ACACA: variants seen among roughly 807,000 people sequenced by gnomAD.
The protein encoded by ACACA is acetyl-CoA carboxylase 1.
ACACA carries 103 observed loss-of-function variants against 296.1 expected under a neutral mutation model. That is an observed-to-expected ratio of 0.35 (90% confidence interval 0.30 to 0.41). The LOEUF is 0.41. Among genes scored for constraint, ACACA ranks in the 10% least tolerant of loss-of-function variants. The pLI, the probability that ACACA is intolerant of heterozygous loss-of-function variation, is 1.00. For missense variants in ACACA, 1,554 were observed against 2,989.7 expected, an observed-to-expected ratio of 0.52 and a Z score of 11.20; for synonymous variants, 953 against 1,038.6, an observed-to-expected ratio of 0.92 and a Z score of 1.58.
At chr17:37,205,930 T>C (rs888264404) in intron 32 of ACACA, 58 bp from the exon 33 acceptor site, 4 of 1,337,248 alleles carry the variant, frequency 3.0e-6, no homozygotes, top group Middle Eastern at 1.8e-4. Flanking sequence ...CAGATGCAGA[T>C]AGAAGTTATA....
intron 45 of ACACA, among the ~76,000 whole-genome samples, chr17:37,139,704 G>A (rs1018407697): frequency 1.3e-5 from 2 of 152,250 alleles, no homozygotes; most frequent in Non-Finnish European, 2.9e-5. Context: ...GGCACTGCAG[G>A]AGACCCCTAA....
intron 2 of ACACA, among the ~76,000 whole-genome samples, chr17:37,333,513 G>A (rs907049955): frequency 6.6e-6 from 1 of 152,012 alleles, no homozygotes; most frequent in Non-Finnish European, 1.5e-5. Flanking sequence ...GAAATAGAAT[G>A]GGGAACCTCA....
chr17:37,283,902 C>G (rs1221905646), intron 4 of ACACA, among the ~76,000 whole-genome samples: 1 of 152,186 alleles, frequency 6.6e-6, no homozygotes, highest in African/African-American at 2.4e-5. Flanking sequence ...GAGAATGCCT[C>G]AGAAAGAATG....
At chr17:37,351,067 G>A (rs751462286) in intron 1 of ACACA, among the ~76,000 whole-genome samples, 31 of 152,230 alleles carry the variant, frequency 2.0e-4, no homozygotes, top group Non-Finnish European at 3.2e-4. Context: ...TTGAACCTGG[G>A]AGGTGGAGAT....
chr17:37,277,439 T>G (rs117144466), intron 6 of ACACA, among the ~76,000 whole-genome samples: 6 of 152,264 alleles, frequency 3.9e-5, no homozygotes. Flanking sequence ...ATGTTTCACA[T>G]ATTCAATTAC....
chr17:37,289,468 G>A (rs1369947934), intron 3 of ACACA: 2 of 1,351,854 alleles, frequency 1.5e-6, no homozygotes, highest in African/African-American at 1.5e-5. Flanking sequence ...TTCTTCATCT[G>A]TCCTCATTAT....
intron 1 of ACACA, among the ~76,000 whole-genome samples, chr17:37,365,072 A>T (rs886099520): frequency 6.6e-6 from 1 of 152,070 alleles, no homozygotes; most frequent in Non-Finnish European, 1.5e-5. Context: ...TCCCGGGTTC[A>T]AGTGATTCTC....
At chr17:37,167,666 T>C (rs1183092582) in intron 41 of ACACA, among the ~76,000 whole-genome samples, 2 of 131,890 alleles carry the variant, frequency 1.5e-5, no homozygotes, top group Non-Finnish European at 3.1e-5. Context: ...GTATGTTCCT[T>C]AATTAAAAAG....
intron 45 of ACACA, among the ~76,000 whole-genome samples, chr17:37,138,386 A>C (rs1280390270): frequency 6.6e-6 from 1 of 152,242 alleles, no homozygotes; most frequent in Non-Finnish European, 1.5e-5. Context: ...CTTCTAGAAA[A>C]GACTGGAGTC....
At chr17:37,323,907 C>T (rs1410603887) in intron 3 of ACACA, among the ~76,000 whole-genome samples, 1 of 152,194 alleles carries the variant, frequency 6.6e-6, no homozygotes, top group African/African-American at 2.4e-5. Context: ...AACTAGATGG[C>T]TCTGTTATAT....
intron 18 of ACACA, chr17:37,247,808 T>C (rs1392412043): frequency 6.4e-6 from 4 of 622,788 alleles, no homozygotes; most frequent in Non-Finnish European, 1.1e-5. Context: ...ATTGTCCACA[T>C]ACACTGGAGT....
rs1385684904 is a variant in ACACA, at chr17:37,174,015, TA to T, written c.5079+5244del. ...ATATATATATATATATATATATATA[TA>T]TATATTTTTTTTTTTTTTTTTTTTT... On this transcript the variant is annotated intron_variant, in intron 41 of 55. Coordinates refer to ENST00000616317, the MANE Select transcript of ACACA (RefSeq NM_198834.3). 2.4e-3 allele frequency among the ~76,000 whole-genome samples: 50 copies of T among 21,052 alleles called. 2 individuals carry two copies. In the East Asian group the frequency reaches 0.035, roughly 15 times the overall value. The allele number at this position is 21,052 out of a possible 152,430, so 13.8% of individuals were successfully genotyped here.
Position 37,085,352 on chromosome 17 carries a change from AT to A in ACACA, c.*1963del. ...GAGAGGAAACATACTCGTTTGTGTC[AT>A]AATTTGGTGGGGAGAGGGGAGGTAA... On this transcript the variant is annotated 3_prime_UTR_variant, in exon 56 of 56. Coordinates refer to ENST00000616317, the MANE Select transcript of ACACA (RefSeq NM_198834.3). 1 of 360,152 alleles carries A rather than the reference AT, an allele frequency of 2.8e-6. No individual in the cohort carries two copies. The highest frequency in any genetic ancestry group is 4.0e-5 in the East Asian group (1 of 24,708). The allele number at this position is 360,152 out of a possible 1,614,324, so 22.3% of individuals were successfully genotyped here. A position where few individuals can be genotyped will look rare whatever the true frequency, so the allele number is the denominator to read the frequency against.
chr17:37,207,085 C>T (rs951361503), intron 31 of ACACA, among the ~76,000 whole-genome samples: 3 of 152,132 alleles, frequency 2.0e-5, no homozygotes, highest in African/African-American at 7.2e-5. Flanking sequence ...CTTTAATAAA[C>T]CATATATATT....
chr17:37,355,622 G>A (rs987940543), intron 1 of ACACA, among the ~76,000 whole-genome samples: 4 of 152,070 alleles, frequency 2.6e-5, no homozygotes, highest in Non-Finnish European at 4.4e-5. Flanking sequence ...TTGGGAGGCT[G>A]AGGTGGGCAG....
Position 37,243,553 on chromosome 17 carries a change from C to A in ACACA, c.2749G>T (p.Asp917Tyr). ...GTTTTCATCAATCGCTCTACCCAGT[C>A]TTTTACCTAGAAAGAAAGCATTGGT... Reference protein sequence around the residue: ...PDPFFSSKVKDWVERLMKTLR... With the variant: ...PDPFFSSKVKYWVERLMKTLR... Residue 917 changes from aspartate to tyrosine, a missense_variant, in exon 22 of 56, where the codon GAC becomes TAC. Physicochemically the swap from Asp to Tyr is radical, Grantham distance 160. Transcript: ENST00000616317. The A allele has an allele frequency of 6.2e-7, 1 of 1,613,910 alleles. No individual in the cohort carries two copies. Among genetic ancestry groups the A allele is most frequent in the Non-Finnish European group, 8.5e-7 (1 of 1,179,980 alleles).
intron 45 of ACACA, among the ~76,000 whole-genome samples, chr17:37,135,081 A>C (rs2075275508): frequency 6.6e-6 from 1 of 152,232 alleles, no homozygotes; most frequent in South Asian, 2.1e-4. Context: ...TGCAGCTAAT[A>C]TCCTCCTCCC....
At chr17:37,155,891 C>A in intron 42 of ACACA, 111 bp from the exon 43 acceptor site, 1 of 761,774 alleles carries the variant, frequency 1.3e-6, no homozygotes, top group South Asian at 1.4e-5. Flanking sequence ...TAAATTGCCA[C>A]ATCACTTCTT....
chr17:37,257,267 C>T (rs1454389889), intron 14 of ACACA, among the ~76,000 whole-genome samples: 6 of 151,938 alleles, frequency 3.9e-5, no homozygotes, highest in African/African-American at 1.4e-4. Flanking sequence ...GACTATGGCT[C>T]ATAACAATAG....
Sources: gnomAD v4.1 joint callset for allele counts (sites outside exome capture counted in the v4.1 genomes callset) on GRCh38, gnomAD v4.1.1 for gene constraint, MANE v1.5 for transcripts, NCBI Gene and HGNC (gene_info 2026-07-23, HGNC 2026-07-21) for gene names.